RBPJ: variants seen among roughly 807,000 people sequenced by gnomAD.
RBPJ encodes the protein recombining binding protein suppressor of hairless.
A neutral mutation model predicts 67.8 loss-of-function variants in RBPJ; 9 were observed. The ratio of observed to expected loss-of-function variants is 0.13; its 90% CI spans 0.08 to 0.23. RBPJ has a LOEUF of 0.23. RBPJ is among the 10% of genes least tolerant of loss of function. The pLI, the probability that RBPJ is intolerant of heterozygous loss-of-function variation, is 1.00. For synonymous variants in RBPJ, 198 were observed against 203.3 expected, an observed-to-expected ratio of 0.97 and a Z score of 0.22; for missense variants, 305 against 595.6, an observed-to-expected ratio of 0.51 and a Z score of 5.08.
In RBPJ at chr4:26,406,244, A is replaced by G. The variant is rs1162207910; in HGVS notation, c.129A>G (p.Ala43=). 1 of 1,610,414 alleles carries G rather than the reference A, an allele frequency of 6.2e-7. No homozygotes were observed. The highest frequency in any genetic ancestry group is 8.5e-7 in the Non-Finnish European group (1 of 1,177,442). The change falls in exon 3 of 11, where the codon GCA becomes GCG. Residue 43 remains alanine, a synonymous_variant. Coordinates refer to ENST00000355476, the MANE Select transcript of RBPJ (RefSeq NM_015874.6). ...TACTTATTCTTCATGCAAAAGTTGC[A>G]CAGAAGTCATATGGAAATGAAAAAA... ...QTVLILHAKV[A]QKSYGNEKRF...
chr4:26,276,934 A>T (rs1279430496), intron 1 of RBPJ, among the ~76,000 whole-genome samples: 3 of 152,110 alleles, frequency 2.0e-5, no homozygotes, highest in Admixed American at 2.0e-4. Flanking sequence ...TGGCTAGATG[A>T]TATTCTCTTT....
At chr4:26,271,540 T>C (rs1277053417) in intron 1 of RBPJ, among the ~76,000 whole-genome samples, 1 of 151,986 alleles carries the variant, frequency 6.6e-6, no homozygotes, top group Non-Finnish European at 1.5e-5. Flanking sequence ...TCCCAGTTAA[T>C]CTTCTCTGCT....
At chr4:26,417,672 T>A (rs1381020111) in intron 4 of RBPJ, among the ~76,000 whole-genome samples, 1 of 152,140 alleles carries the variant, frequency 6.6e-6, no homozygotes, top group Non-Finnish European at 1.5e-5. Flanking sequence ...CATAAAGGTA[T>A]AAGAACATGG....
At chr4:26,292,851 A>G (rs1382796707) in intron 1 of RBPJ, among the ~76,000 whole-genome samples, 2 of 150,396 alleles carry the variant, frequency 1.3e-5, no homozygotes, top group East Asian at 3.9e-4. Context: ...CAATTTTTTA[A>G]TCCATTCATC....
the RBPJ span, among the ~76,000 whole-genome samples, chr4:26,120,223 C>T: frequency 3.3e-5 from 5 of 152,202 alleles, no homozygotes; most frequent in Non-Finnish European, 7.3e-5. Flanking sequence ...ACCAGAAAAT[C>T]AATAATAAAA....
chr4:26,409,058 G>A lies in RBPJ; in HGVS notation c.155+2788G>A, dbSNP rs566327125. ...TTCTTTTCTCTGGATTTTTGAAGAT[G>A]CATTTTAGTACAATTGAATTCACTT... On this transcript the variant is annotated intron_variant, in intron 3 of 10. Coordinates refer to ENST00000355476, the MANE Select transcript of RBPJ (RefSeq NM_015874.6). Among the ~76,000 whole-genome samples, 121 of 152,284 alleles carry A rather than the reference G, an allele frequency of 7.9e-4. 1 individual carries two copies. The highest frequency in any genetic ancestry group is 2.8e-3 in the African/African-American group (118 of 41,558).
intron 1 of RBPJ, among the ~76,000 whole-genome samples, chr4:26,229,426 G>T (rs554584852): frequency 1.3e-5 from 2 of 152,114 alleles, no homozygotes; most frequent in African/African-American, 4.8e-5. Flanking sequence ...TCCTCCTGTT[G>T]GTGGCCCCAC....
At chr4:26,319,742 C>T (rs1722823482), upstream of RBPJ, 5 of 880,426 alleles carry the variant, frequency 5.7e-6, no homozygotes, top group African/African-American at 3.3e-5. Context: ...CTCGCGCGGG[C>T]CGCGCCAATC....
At chr4:26,131,843 AGCAG>A in the RBPJ span, among the ~76,000 whole-genome samples, 2 of 152,216 alleles carry the variant, frequency 1.3e-5, no homozygotes, top group Non-Finnish European at 2.9e-5. Context: ...TGTTTGTTAC[AGCAG>A]CCACAGGAAA....
intron 1 of RBPJ, among the ~76,000 whole-genome samples, chr4:26,336,401 T>C (rs1724841399): frequency 6.6e-6 from 1 of 152,158 alleles, no homozygotes; most frequent in African/African-American, 2.4e-5. Flanking sequence ...GATTGCTGGA[T>C]GGCAGATTTG....
chr4:26,155,240 T>A, the RBPJ span, among the ~76,000 whole-genome samples: 1 of 152,180 alleles, frequency 6.6e-6, no homozygotes, highest in Non-Finnish European at 1.5e-5. Flanking sequence ...CATTTCCAGC[T>A]AACTCTTACA....
At position 26,424,293 on chromosome 4, in the gene RBPJ, C is replaced by G; in HGVS notation, c.497-49C>G. Reference sequence around the variant, plus strand: ...CAGAATTTCCTTCTTTTGCTCCCTCCCCACCTTCTGCTCCAATCACATAAA... The same window carrying G: ...CAGAATTTCCTTCTTTTGCTCCCTCGCCACCTTCTGCTCCAATCACATAAA... On this transcript the variant is annotated intron_variant, in intron 5 of 10. Transcript: ENST00000355476. The surrounding 1 kb of genome is among the most constrained non-coding windows in gnomAD (Gnocchi z 5.3). 2 of 1,586,388 alleles carry G rather than the reference C, an allele frequency of 1.3e-6. No individual in the cohort carries two copies. Among genetic ancestry groups the G allele is most frequent in the Non-Finnish European group, 1.7e-6 (2 of 1,161,688 alleles).
At chr4:26,311,476 T>A (rs1278641050) in intron 1 of RBPJ, among the ~76,000 whole-genome samples, 3 of 151,444 alleles carry the variant, frequency 2.0e-5, no homozygotes, top group Non-Finnish European at 2.9e-5. Context: ...GAGGTGGAGG[T>A]TGCAGTGAGC....
chr4:26,255,603 C>T (rs528183600), intron 1 of RBPJ, among the ~76,000 whole-genome samples: 22 of 149,192 alleles, frequency 1.5e-4, no homozygotes, highest in South Asian at 4.2e-4. Flanking sequence ...GAGATCGAGA[C>T]CATCCTGGCT....
intron 2 of RBPJ, among the ~76,000 whole-genome samples, chr4:26,399,441 A>T (rs1354293172): frequency 1.3e-5 from 2 of 152,104 alleles, no homozygotes; most frequent in Non-Finnish European, 2.9e-5. Context: ...GTAAAAGTAG[A>T]TCCATTAGAA....
At chr4:26,219,858 C>T (rs1228891452) in intron 1 of RBPJ, among the ~76,000 whole-genome samples, 1 of 152,124 alleles carries the variant, frequency 6.6e-6, no homozygotes, top group Non-Finnish European at 1.5e-5. Flanking sequence ...TCACTGCAAG[C>T]TCCACCTGCC....
At chr4:26,360,056 C>G (rs145458748) in intron 1 of RBPJ, among the ~76,000 whole-genome samples, 1 of 152,242 alleles carries the variant, frequency 6.6e-6, no homozygotes, top group East Asian at 1.9e-4. Flanking sequence ...AGCCTTTGCT[C>G]TCCTTGATAC....
At chr4:26,185,000 G>C (rs879741297) in intron 1 of RBPJ, among the ~76,000 whole-genome samples, 9 of 151,946 alleles carry the variant, frequency 5.9e-5, no homozygotes, top group Admixed American at 1.3e-4. Flanking sequence ...AAATTAGCTG[G>C]GTGTGGCATC....
intron 1 of RBPJ, among the ~76,000 whole-genome samples, chr4:26,259,167 G>A (rs1560233339): frequency 1.3e-5 from 2 of 152,260 alleles, no homozygotes; most frequent in East Asian, 3.9e-4. Context: ...ACTTTAAGGT[G>A]GATGCCTAGT....
Sources: allele counts gnomAD v4.1 joint callset (sites outside exome capture counted in the v4.1 genomes callset), GRCh38; gene constraint gnomAD v4.1.1; non-coding constraint Gnocchi (gnomAD v3.1); transcripts MANE v1.5; gene names NCBI Gene and HGNC (gene_info 2026-07-23, HGNC 2026-07-21).